The following FSHR variants were observed in gnomAD, a reference collection of about 807,000 sequenced individuals.
FSHR encodes the protein follicle stimulating hormone receptor.
FSHR carries 46 observed loss-of-function variants against 52.1 expected under a neutral mutation model. That is an observed-to-expected ratio of 0.88 (90% CI 0.70 to 1.13). The LOEUF is 1.13. FSHR is among the 50% of genes most tolerant of loss of function. FSHR has a pLI of 0.00. For missense variants in FSHR, 964 were observed against 834.6 expected, an observed-to-expected ratio of 1.16 and a Z score of -1.91; for synonymous variants, 399 against 309.6, an observed-to-expected ratio of 1.29 and a Z score of -3.03.
intron 3 of FSHR, among the ~76,000 whole-genome samples, chr2:49,018,243 C>A (rs1238930482): frequency 1.3e-5 from 2 of 152,206 alleles, no homozygotes; most frequent in Non-Finnish European, 2.9e-5. Context: ...GGGGTGACTT[C>A]TGCCCTATTT....
intron 4 of FSHR, among the ~76,000 whole-genome samples, chr2:48,992,944 C>A (rs553809318): frequency 6.6e-6 from 1 of 152,234 alleles, no homozygotes; most frequent in Non-Finnish European, 1.5e-5. Flanking sequence ...ATGTAAGAAA[C>A]ACTTTAAACA....
At chr2:48,986,762 T>C (rs924947575) in intron 6 of FSHR, among the ~76,000 whole-genome samples, 2 of 152,214 alleles carry the variant, frequency 1.3e-5, no homozygotes, top group African/African-American at 4.8e-5. Flanking sequence ...CAGAAGTTCT[T>C]ATTTCCTCAG....
chr2:49,074,774 A>C (rs1286784863), intron 1 of FSHR, among the ~76,000 whole-genome samples: 1 of 143,648 alleles, frequency 7.0e-6, no homozygotes, highest in Non-Finnish European at 1.6e-5. Context: ...GAATCAACCT[A>C]GTTGTCCAAC....
At chr2:49,010,735 C>T (rs1294301587) in intron 4 of FSHR, among the ~76,000 whole-genome samples, 1 of 152,108 alleles carries the variant, frequency 6.6e-6, no homozygotes, top group Non-Finnish European at 1.5e-5. Flanking sequence ...AGAGATTCAA[C>T]TTCTTCCTGG....
intron 1 of FSHR, among the ~76,000 whole-genome samples, chr2:49,103,972 TG>T (rs1380281538): frequency 8.6e-6 from 1 of 116,004 alleles, no homozygotes; most frequent in Non-Finnish European, 1.8e-5. Context: ...AGGTGGGCTA[TG>T]TTTTTTTTTT....
intron 8 of FSHR, 134 bp from the exon 9 acceptor site, chr2:48,969,017 C>G (rs1159474350): frequency 2.5e-6 from 2 of 806,976 alleles, no homozygotes; most frequent in South Asian, 1.5e-5. Flanking sequence ...GTTCCTCCAA[C>G]ACACCTTGGC....
At chr2:49,008,067 T>C (rs1451385791) in intron 4 of FSHR, among the ~76,000 whole-genome samples, 2 of 151,400 alleles carry the variant, frequency 1.3e-5, no homozygotes, top group South Asian at 2.1e-4. Flanking sequence ...AGGGTACATG[T>C]GCACATTGTG....
In FSHR at chr2:49,154,247, C is replaced by G; in HGVS notation, c.152+19G>C. The G allele has an allele frequency of 6.2e-7, 1 of 1,612,678 alleles. No homozygotes were observed. Among genetic ancestry groups the G allele is most frequent in the Non-Finnish European group, 8.5e-7 (1 of 1,178,896 alleles). On this transcript the variant is annotated intron_variant, in intron 1 of 9. Coordinates refer to ENST00000406846, the MANE Select transcript of FSHR (RefSeq NM_000145.4). ...CAAATGCCAGCCATGCAGTTGTTCCCCCTCCCTCTGATACTCACAGTTCAA... is the reference window on the plus strand; with the variant it reads ...CAAATGCCAGCCATGCAGTTGTTCCGCCTCCCTCTGATACTCACAGTTCAA...
intron 1 of FSHR, among the ~76,000 whole-genome samples, chr2:49,090,036 GTTGTTTATC>G (rs1279164812): frequency 6.6e-6 from 1 of 152,112 alleles, no homozygotes; most frequent in East Asian, 1.9e-4. Context: ...ATTTTCCAGG[GTTGTTTATC>G]ACATGATCTT....
At chr2:49,050,092 A>C (rs991149529) in intron 2 of FSHR, among the ~76,000 whole-genome samples, 3 of 152,118 alleles carry the variant, frequency 2.0e-5, no homozygotes, top group African/African-American at 4.8e-5. Flanking sequence ...TATAACAAAA[A>C]TAGTTATTTT....
intron 1 of FSHR, among the ~76,000 whole-genome samples, chr2:49,101,474 G>C (rs1020327545): frequency 3.3e-5 from 5 of 152,048 alleles, no homozygotes; most frequent in African/African-American, 1.2e-4. Flanking sequence ...TACGATTATA[G>C]CTAATTCTAA....
At chr2:49,121,163 C>A (rs1332414680) in intron 1 of FSHR, among the ~76,000 whole-genome samples, 1 of 152,186 alleles carries the variant, frequency 6.6e-6, no homozygotes, top group African/African-American at 2.4e-5. Flanking sequence ...ACTTATTGAG[C>A]AGCTTCTATG....
intron 1 of FSHR, among the ~76,000 whole-genome samples, chr2:49,079,349 T>C (rs942730306): frequency 6.6e-6 from 1 of 151,974 alleles, no homozygotes; most frequent in African/African-American, 2.4e-5. Context: ...TAAAGCACAG[T>C]TGTTTTTTTG....
intron 1 of FSHR, among the ~76,000 whole-genome samples, chr2:49,146,759 G>T (rs564779669): frequency 6.6e-6 from 1 of 152,154 alleles, no homozygotes; most frequent in Non-Finnish European, 1.5e-5. Flanking sequence ...CAAACTTTCA[G>T]CAATCTACTG....
rs370505203 is a variant in FSHR, at chr2:48,993,420, T to C, written c.375-2783A>G. Among the ~76,000 whole-genome samples, 59 of 152,294 alleles carry C rather than the reference T, an allele frequency of 3.9e-4. No individual in the cohort carries two copies. The South Asian group carries it at 3.9e-3, about 10-fold the overall frequency. On this transcript the variant is annotated intron_variant, in intron 4 of 9. Coordinates refer to ENST00000406846, the MANE Select transcript of FSHR (RefSeq NM_000145.4). ...TGGCTTCTTCTTTCTCACGTTCCGATATCCAGCCCATCTCAAAGTCCTCTT... is the reference window on the plus strand; with the variant it reads ...TGGCTTCTTCTTTCTCACGTTCCGACATCCAGCCCATCTCAAAGTCCTCTT...
chr2:49,074,187 G>A (rs1669860459), intron 1 of FSHR, among the ~76,000 whole-genome samples: 1 of 151,580 alleles, frequency 6.6e-6, no homozygotes, highest in African/African-American at 2.4e-5. Flanking sequence ...TAAACAAATG[G>A]GATTATGTCA....
chr2:49,069,510 T>A (rs546960830), intron 1 of FSHR, among the ~76,000 whole-genome samples: 8 of 152,156 alleles, frequency 5.3e-5, no homozygotes, highest in Non-Finnish European at 1.2e-4. Flanking sequence ...ATTTATCTAT[T>A]TGTGTATCCA....
At chr2:48,976,078 A>G (rs969399235) in intron 8 of FSHR, among the ~76,000 whole-genome samples, 4 of 152,202 alleles carry the variant, frequency 2.6e-5, no homozygotes, top group African/African-American at 9.7e-5. Flanking sequence ...TTCAAAGGAA[A>G]TGCTTCCAGT....
chr2:49,085,243 C>A (rs1449998343), intron 1 of FSHR, among the ~76,000 whole-genome samples: 1 of 152,184 alleles, frequency 6.6e-6, no homozygotes, highest in East Asian at 1.9e-4. Flanking sequence ...AAAGACAAAA[C>A]CCACATGATT....
Sources: gnomAD v4.1 joint callset for allele counts (sites outside exome capture counted in the v4.1 genomes callset) on GRCh38, gnomAD v4.1.1 for gene constraint, MANE v1.5 for transcripts, NCBI Gene and HGNC (gene_info 2026-07-23, HGNC 2026-07-21) for gene names.